ZNF276: variants seen among roughly 807,000 people sequenced by gnomAD.
The protein encoded by ZNF276 is zinc finger protein 276.
A neutral mutation model predicts 63.9 loss-of-function variants in ZNF276; 59 were observed. That is an observed-to-expected ratio of 0.92 (90% CI 0.75 to 1.15). The LOEUF is 1.15. Among genes scored for constraint, ZNF276 ranks in the 50% most tolerant of loss-of-function variants. The pLI is 0.00. For synonymous variants in ZNF276, 496 were observed against 348.4 expected (o/e 1.42, Z -4.72); for missense variants, 1,084 against 843.8 (o/e 1.28, Z -3.53).
At chr16:89,736,742 C>T (rs897046472) in intron 9 of ZNF276, among the ~76,000 whole-genome samples, 2 of 135,748 alleles carry the variant, frequency 1.5e-5, no homozygotes, top group African/African-American at 5.6e-5. Context: ...CTATAGTGAG[C>T]CATGATTGTA....
Position 89,726,252 on chromosome 16 carries a change from A to AGTTAAGGAGATAGATAGTTAAGTAG in ZNF276, c.1007-1025_1007-1024insTAAGGAGATAGATAGTTAAGTAGGT, listed in dbSNP as rs1555528645. ...CTCTTTGTTACCCAGGCTGGAGTGC[A>AGTTAAGGAGATAGATAGTTAAGTAG]GTGGCACGATATCAGCTCACCACAA... On this transcript the variant is annotated intron_variant, in intron 4 of 10. Transcript: ENST00000443381. 7.9e-5 allele frequency among the ~76,000 whole-genome samples: 12 copies of AGTTAAGGAGATAGATAGTTAAGTAG among 152,222 alleles called. No individual in the cohort carries two copies. The East Asian group carries it at 2.1e-3, about 27-fold the overall frequency.
intron 5 of ZNF276, 48 bp downstream of exon 5, chr16:89,727,405 C>T: frequency 6.3e-7 from 1 of 1,581,590 alleles, no homozygotes; most frequent in Non-Finnish European, 8.7e-7. Flanking sequence ...CCTTCAAAAA[C>T]CATCAGTGAC....
chr16:89,722,713 A>C lies in ZNF276; in HGVS notation c.388A>C (p.Thr130Pro), dbSNP rs1597961225. The change falls in exon 2 of 11, where the codon ACC becomes CCC. Residue 130 changes from threonine (T) to proline (P), a missense_variant. Thr to Pro is a conservative substitution (Grantham distance 38). Transcript: ENST00000443381. ...TGGTGTGGCTGTCCGCCAGGACCCC[A>C]CCTTGTCTCCGTTTGTCTGCAAGAG... ...LLGVAVRQDP[T>P]LSPFVCKSCH... is the part of the protein sequence containing the mutation. 6.2e-7 allele frequency: 1 copy of C among 1,612,296 alleles called. No homozygotes were observed. Among genetic ancestry groups the C allele is most frequent in the Non-Finnish European group, 8.5e-7 (1 of 1,180,010 alleles).
chr16:89,738,483 C>G lies in ZNF276; in HGVS notation c.*237C>G. 4.0e-6 allele frequency: 6 copies of G among 1,501,390 alleles called. No individual in the cohort carries two copies. Among genetic ancestry groups the G allele is most frequent in the Non-Finnish European group, 5.5e-6 (6 of 1,091,898 alleles). The allele number at this position is 1,501,390 out of a possible 1,614,324, so 93.0% of individuals were successfully genotyped here. On this transcript the variant is annotated 3_prime_UTR_variant, in exon 11 of 11. Transcript: ENST00000443381. ...AGTTCATAAATAATTGATTCCTTTC[C>G]CCACTAAAGCAGTCGAGGAGATTTG...
intron 9 of ZNF276, among the ~76,000 whole-genome samples, chr16:89,734,387 A>G (rs919075166): frequency 1.3e-5 from 2 of 152,030 alleles, no homozygotes; most frequent in Non-Finnish European, 2.9e-5. Context: ...GTGCAGTGGC[A>G]CCATCTTGGC....
chr16:89,740,830 G>C lies in ZNF276; in HGVS notation c.*2584G>C. The C allele has an allele frequency of 1.9e-6, 3 of 1,613,666 alleles. No individual in the cohort carries two copies. Among genetic ancestry groups the C allele is most frequent in the Non-Finnish European group, 2.5e-6 (3 of 1,179,770 alleles). ...TTTGAGGTCAGATGTGACGACAGCAGGCCCATCAAGGAGAAGAAGAAAAGG... is the reference window on the plus strand; with the variant it reads ...TTTGAGGTCAGATGTGACGACAGCACGCCCATCAAGGAGAAGAAGAAAAGG... On this transcript the variant is annotated 3_prime_UTR_variant, in exon 11 of 11. Coordinates refer to ENST00000443381, the MANE Select transcript of ZNF276 (RefSeq NM_001113525.2).
chr16:89,720,740 GCCCCGC>G, upstream of ZNF276: 2 of 1,430,020 alleles, frequency 1.4e-6, no homozygotes, highest in African/African-American at 1.5e-5. Flanking sequence ...CAGCGGCCAA[GCCCCGC>G]CCCCGCCCCG....
Position 89,739,893 on chromosome 16 carries a change from C to G in ZNF276, c.*1647C>G. On this transcript the variant is annotated 3_prime_UTR_variant, in exon 11 of 11. Transcript: ENST00000443381. ...AACTAAAATGGAGCTTATAAACTTA[C>G]TTAGCAAGGAACCTCAAGGAGGGCT... 2 of 1,570,920 alleles carry G rather than the reference C, an allele frequency of 1.3e-6. No individual in the cohort carries two copies. The highest frequency in any genetic ancestry group is 2.3e-5 in the East Asian group (1 of 44,414).
rs907140878 is a variant in ZNF276 at position 89,740,258 on chromosome 16, T to C, written c.*2012T>C. ...CCTATAGAAGGTAATACTGGGCCTCTGGACAGAAGAGGCTCAGGTAGGAGG... is the reference window on the plus strand; with the variant it reads ...CCTATAGAAGGTAATACTGGGCCTCCGGACAGAAGAGGCTCAGGTAGGAGG... On this transcript the variant is annotated 3_prime_UTR_variant, in exon 11 of 11. Coordinates refer to ENST00000443381, the MANE Select transcript of ZNF276 (RefSeq NM_001113525.2). 4.3e-6 allele frequency: 3 copies of C among 700,224 alleles called. No homozygotes were observed. The highest frequency in any genetic ancestry group is 2.6e-5 in the East Asian group (1 of 37,976). The allele number at this position is 700,224 out of a possible 1,614,324, so 43.4% of individuals were successfully genotyped here. A position where few individuals can be genotyped will look rare whatever the true frequency, so the allele number is the denominator to read the frequency against.
Position 89,721,788 on chromosome 16 carries a change from G to A in ZNF276, c.148G>A (p.Ala50Thr). Residue 50 changes from alanine to threonine, a missense_variant, in exon 1 of 11, where the codon GCC (alanine) becomes ACC (threonine). Physicochemically the swap from Ala to Thr is moderately conservative, Grantham distance 58 (BLOSUM62 0). Coordinates refer to ENST00000443381, the MANE Select transcript of ZNF276 (RefSeq NM_001113525.2). ...GGTGGACGGGGCGACGGCGCGGCGC[G>A]CCTGGGGCCCGGTGGGGTCCTGCGG... The part of the protein sequence containing the change: ...PRVDGATARR[A>T]WGPVGSCGDA... The A allele has an allele frequency of 1.6e-6, 2 of 1,259,440 alleles. No homozygotes were observed. Among genetic ancestry groups the A allele is most frequent in the Non-Finnish European group, 2.0e-6 (2 of 1,003,092 alleles). 78.0% of individuals were successfully genotyped at this position (1,259,440 alleles called of 1,614,324 possible).
At chr16:89,728,887 G>C (rs1422214029) in intron 5 of ZNF276, among the ~76,000 whole-genome samples, 1 of 152,214 alleles carries the variant, frequency 6.6e-6, no homozygotes, top group Non-Finnish European at 1.5e-5. Context: ...GTTGCATAGG[G>C]TTCGCAGTTA....
intron 2 of ZNF276, 53 bp downstream of exon 2, chr16:89,722,887 C>CG: frequency 1.3e-6 from 2 of 1,573,316 alleles, no homozygotes; most frequent in South Asian, 1.2e-5. Flanking sequence ...TGCAGTGTGA[C>CG]GGGTGTTGAG....
chr16:89,732,542 T>G (rs2061687762), intron 6 of ZNF276: 1 of 158,816 alleles, frequency 6.3e-6, no homozygotes, highest in African/African-American at 2.4e-5. Flanking sequence ...TCTGCCGTCC[T>G]GATACCTCTA....
intron 1 of ZNF276, 110 bp downstream of exon 1, chr16:89,721,955 G>A (rs2061298437): frequency 1.3e-6 from 1 of 764,590 alleles, no homozygotes; most frequent in Non-Finnish European, 1.7e-6. Flanking sequence ...ACCCGGCCAA[G>A]GGCGTAGCGG....
Position 89,740,577 on chromosome 16 carries a change from A to C in ZNF276, c.*2331A>C, listed in dbSNP as rs1162215836. The C allele has an allele frequency of 5.4e-6, 3 of 556,072 alleles. No homozygotes were observed. The allele number at this position is 556,072 out of a possible 1,614,324, so 34.4% of individuals were successfully genotyped here. ...CTTGAACCCAGGAGGCTGAGGTTGC[A>C]GTGAGCTGAGATCACACCACTGCAC... On this transcript the variant is annotated 3_prime_UTR_variant, in exon 11 of 11. Transcript: ENST00000443381.
intron 2 of ZNF276, 67 bp from the exon 3 acceptor site, chr16:89,723,070 C>G (rs1202210130): frequency 1.2e-6 from 2 of 1,611,970 alleles, no homozygotes; most frequent in East Asian, 2.2e-5. Context: ...TCGAGAGGGT[C>G]CCGTACGACG....
intron 8 of ZNF276, 24 bp downstream of exon 8, chr16:89,733,581 C>G: frequency 6.2e-7 from 1 of 1,612,582 alleles, no homozygotes; most frequent in Non-Finnish European, 8.5e-7. Flanking sequence ...GTGCCTGACC[C>G]AGGCCCGGCA....
At chr16:89,723,760 G>A (rs1482224161) in intron 4 of ZNF276, 51 bp downstream of exon 4, 2 of 1,534,054 alleles carry the variant, frequency 1.3e-6, no homozygotes, top group Non-Finnish European at 1.8e-6. Context: ...CTCCTCAGTG[G>A]GGCAGGGTTT....
intron 6 of ZNF276, among the ~76,000 whole-genome samples, chr16:89,729,630 C>T (rs942394240): frequency 4.6e-5 from 7 of 152,270 alleles, no homozygotes; most frequent in Non-Finnish European, 7.4e-5. Flanking sequence ...GAAGGAGGCT[C>T]TTACGTCCCT....
Sources: gnomAD v4.1 joint callset for allele counts (sites outside exome capture counted in the v4.1 genomes callset) on GRCh38, gnomAD v4.1.1 for gene constraint, MANE v1.5 for transcripts, NCBI Gene and HGNC (gene_info 2026-07-23, HGNC 2026-07-21) for gene names.